Variants in IZUMO2 observed in about 807,000 individuals in gnomAD.
IZUMO2 encodes the protein izumo sperm-egg fusion protein 2.
A neutral mutation model predicts 31.2 loss-of-function variants in IZUMO2; 24 were observed. The ratio of observed to expected loss-of-function variants is 0.77; its 90% CI spans 0.56 to 1.08. The LOEUF (loss-of-function observed/expected upper bound fraction) is 1.08, where lower values mean the gene tolerates loss of function less well. Ranked by LOEUF, IZUMO2 falls within the 50% of genes least tolerant of loss-of-function variation. IZUMO2 has a pLI of 0.00. For missense variants in IZUMO2, 278 were observed against 274.0 expected, an observed-to-expected ratio of 1.01 and a Z score of -0.10; for synonymous variants, 144 against 117.3, an observed-to-expected ratio of 1.23 and a Z score of -1.47.
chr19:50,156,017 C>G (rs1268388677), intron 5 of IZUMO2, among the ~76,000 whole-genome samples: 4 of 152,160 alleles, frequency 2.6e-5, no homozygotes, highest in Non-Finnish European at 4.4e-5. Context: ...CTTCCTTCAG[C>G]TTTCAAAAGT....
intron 2 of IZUMO2, among the ~76,000 whole-genome samples, chr19:50,161,262 T>C (rs900357731): frequency 1.3e-5 from 2 of 151,886 alleles, no homozygotes; most frequent in African/African-American, 4.8e-5. Context: ...GTAGCTGGGA[T>C]TACAGGAGTG....
intron 2 of IZUMO2, among the ~76,000 whole-genome samples, chr19:50,160,944 A>C (rs62112595): frequency 0.55 from 83,820 of 151,700 alleles, 23,949 homozygotes; most frequent in Non-Finnish European, 0.61. Flanking sequence ...TGGTCAAGAT[A>C]TCCAATTGGA....
chr19:50,158,213 T>G, intron 5 of IZUMO2, 55 bp downstream of exon 5: 1 of 1,158,748 alleles, frequency 8.6e-7, no homozygotes, highest in East Asian at 2.4e-5. Context: ...GGGTCATGGC[T>G]GTCTTCATCT....
intron 2 of IZUMO2, among the ~76,000 whole-genome samples, chr19:50,161,168 A>T (rs2030388666): frequency 7.2e-6 from 1 of 138,814 alleles, no homozygotes; most frequent in Admixed American, 7.8e-5. Flanking sequence ...CTTGTTGCCC[A>T]GGCTGGAGTG....
chr19:50,154,021 G>A (rs1275407273), intron 6 of IZUMO2, among the ~76,000 whole-genome samples: 2 of 131,950 alleles, frequency 1.5e-5, no homozygotes, highest in Non-Finnish European at 3.2e-5. Flanking sequence ...GGGGGAGGGG[G>A]AGGGCACAAG....
intron 4 of IZUMO2, among the ~76,000 whole-genome samples, chr19:50,158,780 A>C (rs2030298136): frequency 6.6e-6 from 1 of 152,112 alleles, no homozygotes; most frequent in Non-Finnish European, 1.5e-5. Context: ...GGCCAATGGA[A>C]AGTGAGCAGG....
chr19:50,162,724 C>T lies in IZUMO2; in HGVS notation c.307+15G>A. The stretch of plus-strand genomic sequence containing the variant: ...AAGAGGGGTGCTGGAGAAGGCGTTC[C>T]CTCGTCTCTCCTACCTTTCAGAGAG... On this transcript the variant is annotated intron_variant, in intron 2 of 6. Coordinates refer to ENST00000293405, the MANE Select transcript of IZUMO2 (RefSeq NM_152358.3). 1 of 1,608,786 alleles carries T rather than the reference C, an allele frequency of 6.2e-7. No individual in the cohort carries two copies. Among genetic ancestry groups the T allele is most frequent in the Non-Finnish European group, 8.5e-7 (1 of 1,175,122 alleles).
chr19:50,160,920 T>C (rs993470058), intron 2 of IZUMO2: 1 of 152,184 alleles, frequency 6.6e-6, no homozygotes, highest in African/African-American at 2.4e-5. Context: ...GTGGGATTTA[T>C]ATACCCAACT....
At chr19:50,154,060 G>C (rs184903598) in intron 6 of IZUMO2, among the ~76,000 whole-genome samples, 1 of 149,856 alleles carries the variant, frequency 6.7e-6, no homozygotes, top group Non-Finnish European at 1.5e-5. Flanking sequence ...TAAGCTTAGA[G>C]GGGGAGAGGA....
rs2030274816 is a variant in IZUMO2, at chr19:50,158,116, CA to C, written c.496+151del. The C allele has an allele frequency of 1.1e-5, 5 of 449,734 alleles. No individual in the cohort carries two copies. The South Asian group carries it at 2.4e-4, about 22-fold the overall frequency. The allele number at this position is 449,734 out of a possible 1,614,324, so 27.9% of individuals were successfully genotyped here. ...ATGGAGGAAAGTGAATTTCAGAATA[CA>C]GGAGCAACTTCTGGGCCACACTCTA... On this transcript the variant is annotated intron_variant, in intron 5 of 6. Transcript: ENST00000293405.
chr19:50,163,004 A>G lies in IZUMO2; in HGVS notation c.191T>C (p.Phe64Ser). 1 of 1,611,296 alleles carries G rather than the reference A, an allele frequency of 6.2e-7. No individual in the cohort carries two copies. Residue 64 changes from phenylalanine to serine, a missense_variant, in exon 1 of 7, where the codon TTC (phenylalanine) becomes TCC (serine). Coordinates refer to ENST00000293405, the MANE Select transcript of IZUMO2 (RefSeq NM_152358.3). ...CACGTTCAGCGCGTAGTCCCGGAAG[A>G]AAGGCCCCTCCATGCCCATCAGCAC... ...GAVLMGMEGP[F>S]FRDYALNVFV...
At chr19:50,161,126 C>CTTTT (rs398040395) in intron 2 of IZUMO2, among the ~76,000 whole-genome samples, 1,564 of 139,656 alleles carry the variant, frequency 0.011, 19 homozygotes, top group African/African-American at 0.039. Context: ...TTTCCTTTTT[C>CTTTT]TTTTTTTTTT....
intron 4 of IZUMO2, 42 bp from the exon 5 acceptor site, chr19:50,158,390 C>T (rs2030287674): frequency 7.4e-7 from 1 of 1,342,288 alleles, no homozygotes; most frequent in Non-Finnish European, 1.1e-6. Context: ...GGGCAGATAT[C>T]AGAGGACCGG....
intron 6 of IZUMO2, among the ~76,000 whole-genome samples, chr19:50,154,061 G>C (rs980989058): frequency 4.0e-5 from 6 of 149,634 alleles, no homozygotes; most frequent in Non-Finnish European, 7.4e-5. Context: ...AAGCTTAGAG[G>C]GGGAGAGGAA....
intron 6 of IZUMO2, among the ~76,000 whole-genome samples, chr19:50,153,004 C>A (rs2030080413): frequency 6.6e-6 from 1 of 152,152 alleles, no homozygotes; most frequent in Admixed American, 6.6e-5. Flanking sequence ...AAGATATATC[C>A]AAGTCCCAAC....
rs1451510631 is a variant in IZUMO2 at position 50,158,332 on chromosome 19, C to T, written c.432G>A (p.Glu144=). Residue 144 remains glutamate, a synonymous_variant, in exon 5 of 7, where the codon GAG becomes GAA. Transcript: ENST00000293405. ...TCTGGCAATGTAAACAGTCCAACAC[C>T]TCTTCTTTTAGCAAGCCTAGGCAAG... The part of the protein sequence containing the change: ...NPKLCRLLKE[E]VLDCLHCQRI... 7.5e-6 allele frequency: 12 copies of T among 1,610,532 alleles called. No individual in the cohort carries two copies. Among genetic ancestry groups the T allele is most frequent in the Non-Finnish European group, 1.0e-5 (12 of 1,177,918 alleles).
Position 50,163,249 on chromosome 19 carries a change from G to T in IZUMO2, c.-55C>A, listed in dbSNP as rs1367481304. ...ACCCGGCCCGCCCCGCCTCCCAGGC[G>T]AGGGCGCGGTCAGGAGGCCCAGGGA... On this transcript the variant is annotated 5_prime_UTR_variant, in exon 1 of 7. Transcript: ENST00000293405. 2 of 1,394,206 alleles carry T rather than the reference G, an allele frequency of 1.4e-6. No individual in the cohort carries two copies. Among genetic ancestry groups the T allele is most frequent in the African/African-American group, 2.9e-5 (2 of 68,916 alleles). The allele number at this position is 1,394,206 out of a possible 1,614,324, so 86.4% of individuals were successfully genotyped here.
rs953368883 is a variant in IZUMO2 at position 50,163,151 on chromosome 19, G to T, written c.44C>A (p.Ala15Asp). 5 of 1,574,064 alleles carry T rather than the reference G, an allele frequency of 3.2e-6. No homozygotes were observed. The highest frequency in any genetic ancestry group is 1.2e-5 in the South Asian group (1 of 86,824). ...LTLLLLSGLG[A>D]PGGWGCLQCD... ...CTGCAGGCAGCCCCAGCCTCCGGGG[G>T]CGCCCAAGCCCGAGAGCAGCAGAAG... The change falls in exon 1 of 7, where the codon GCC (alanine) becomes GAC (aspartate). Residue 15 changes from alanine (A) to aspartate (D), a missense_variant. Coordinates refer to ENST00000293405, the MANE Select transcript of IZUMO2 (RefSeq NM_152358.3).
intron 2 of IZUMO2, among the ~76,000 whole-genome samples, chr19:50,162,289 A>C (rs920125044): frequency 6.6e-6 from 1 of 151,838 alleles, no homozygotes; most frequent in Non-Finnish European, 1.5e-5. Flanking sequence ...TCAAAAAATA[A>C]AAATAAATAA....
Sources: allele counts gnomAD v4.1 joint callset (sites outside exome capture counted in the v4.1 genomes callset), GRCh38; gene constraint gnomAD v4.1.1; transcripts MANE v1.5; gene names NCBI Gene and HGNC (gene_info 2026-07-23, HGNC 2026-07-21).